The following OTOGL variants were observed in gnomAD, a reference collection of about 807,000 sequenced individuals.
OTOGL encodes otogelin-like protein.
In OTOGL, 285 loss-of-function variants were observed where a neutral mutation model predicts 318.5. The ratio of observed to expected loss-of-function variants is 0.89; its 90% CI spans 0.81 to 0.99. The LOEUF (loss-of-function observed/expected upper bound fraction) is 0.99. OTOGL is among the 50% of genes least tolerant of loss of function. OTOGL has a pLI of 0.00. For missense variants in OTOGL, 2,899 were observed against 2,845.6 expected (o/e 1.02, Z -0.43); for synonymous variants, 987 against 936.5 (o/e 1.05, Z -0.99).
chr12:80,373,246 A>G (rs1890988704), intron 57 of OTOGL, among the ~76,000 whole-genome samples: 2 of 152,120 alleles, frequency 1.3e-5, no homozygotes, highest in Admixed American at 6.5e-5. Flanking sequence ...ATCCTGGCCA[A>G]CATGGTGAAA....
At chr12:80,306,023 A>G (rs1384694469) in intron 29 of OTOGL, among the ~76,000 whole-genome samples, 21 of 152,292 alleles carry the variant, frequency 1.4e-4, no homozygotes, top group Middle Eastern at 3.4e-3. Flanking sequence ...CAAAATGCCA[A>G]TCAATGTATC....
At chr12:80,214,690 C>A (rs1390103839) in intron 4 of OTOGL, among the ~76,000 whole-genome samples, 1 of 152,056 alleles carries the variant, frequency 6.6e-6, no homozygotes, top group Non-Finnish European at 1.5e-5. Context: ...TGATGACATA[C>A]CAAGGACAGT....
At chr12:80,366,781 T>C in intron 53 of OTOGL, 144 bp downstream of exon 53, 1 of 265,764 alleles carries the variant, frequency 3.8e-6, no homozygotes, top group Non-Finnish European at 6.9e-6. Flanking sequence ...AATGTGTTAT[T>C]ATGTTTCAAT....
chr12:80,318,501 A>T (rs1340619836), intron 32 of OTOGL, 45 bp from the exon 33 acceptor site: 3 of 1,179,770 alleles, frequency 2.5e-6, no homozygotes, highest in Non-Finnish European at 3.2e-6. Context: ...TTGAAATTTT[A>T]AAAATCTATG....
Position 80,295,157 on chromosome 12 carries a change from CTTTTTTTTTTT to C in OTOGL, c.2929-1651_2929-1641del, listed in dbSNP as rs66786755. Among the ~76,000 whole-genome samples the C allele has an allele frequency of 3.9e-3, 381 of 98,936 alleles. 6 individuals are homozygous for C. The highest frequency in any genetic ancestry group is 0.017 in the African/African-American group (355 of 20,634). 64.9% of individuals were successfully genotyped at this position (98,936 alleles called of 152,430 possible). A position where few individuals can be genotyped will look rare whatever the true frequency, so the allele number is the denominator to read the frequency against. On this transcript the variant is annotated intron_variant, in intron 26 of 58. Coordinates refer to ENST00000547103, the MANE Select transcript of OTOGL (RefSeq NM_001378609.3). The stretch of plus-strand genomic sequence containing the variant: ...AAACACAAACTGTATGATTGCCGAA[CTTTTTTTTTTT>C]TTTTTTTTTTTTTTTTTTAAGACAG...
intron 8 of OTOGL, among the ~76,000 whole-genome samples, chr12:80,230,319 C>T (rs1171428133): frequency 1.3e-5 from 2 of 152,144 alleles, no homozygotes; most frequent in African/African-American, 4.8e-5. Flanking sequence ...AGCAGCTTCT[C>T]CCCTTGTCTG....
chr12:80,303,279 C>T (rs1036101129), intron 28 of OTOGL, among the ~76,000 whole-genome samples: 14 of 152,260 alleles, frequency 9.2e-5, no homozygotes, highest in South Asian at 4.1e-4. Context: ...CCTCAGCCTC[C>T]GGAGTAGCTG....
intron 1 of OTOGL, among the ~76,000 whole-genome samples, chr12:80,174,356 G>A (rs529651083): frequency 2.6e-5 from 4 of 152,202 alleles, no homozygotes; most frequent in South Asian, 4.2e-4. Flanking sequence ...TTTTTCTCTC[G>A]CCAGTCTCCC....
chr12:80,289,653 G>C (rs1884893406), intron 26 of OTOGL, among the ~76,000 whole-genome samples: 1 of 152,210 alleles, frequency 6.6e-6, no homozygotes, highest in Non-Finnish European at 1.5e-5. Flanking sequence ...GCTGTGATGT[G>C]TTCCGCCCAG....
In OTOGL at chr12:80,238,931, C is replaced by T. The variant is rs765437712; in HGVS notation, c.898C>T (p.Pro300Ser). ...AGATGACACCAAATGTGTACTCACA[C>T]CCTCAGATTTTCCAAATCCGTGCTC... ...TPDDTKCVLTPSDFPNPCSSG... is the reference protein window; with the variant it reads ...TPDDTKCVLTSSDFPNPCSSG... The change falls in exon 10 of 59, where the codon CCC (proline) becomes TCC (serine). Residue 300 changes from proline (P) to serine (S), a missense_variant. By Grantham distance (74) the Pro-to-Ser change is moderately conservative (BLOSUM62 -1). Coordinates refer to ENST00000547103, the MANE Select transcript of OTOGL (RefSeq NM_001378609.3). 5 of 1,596,476 alleles carry T rather than the reference C, an allele frequency of 3.1e-6. No individual in the cohort carries two copies. In the Middle Eastern group the frequency reaches 5.0e-4, roughly 158 times the overall value.
At chr12:80,173,192 GA>G (rs1874321188) in intron 1 of OTOGL, among the ~76,000 whole-genome samples, 1 of 151,504 alleles carries the variant, frequency 6.6e-6, no homozygotes, top group African/African-American at 2.4e-5. Flanking sequence ...TTTATAAAGG[GA>G]GAGCAAGTTT....
At chr12:80,134,864 G>T (rs1376231897) in intron 1 of OTOGL, among the ~76,000 whole-genome samples, 1 of 152,124 alleles carries the variant, frequency 6.6e-6, no homozygotes, top group Non-Finnish European at 1.5e-5. Context: ...CTGCATATCA[G>T]ATTTTTCTGG....
At chr12:80,312,257 C>T (rs1455260477) in intron 30 of OTOGL, among the ~76,000 whole-genome samples, 1 of 152,072 alleles carries the variant, frequency 6.6e-6, no homozygotes, top group Non-Finnish European at 1.5e-5. Flanking sequence ...CCAAACAAGA[C>T]AAAAACATTA....
At chr12:80,237,766 G>A (rs779666818) in intron 9 of OTOGL, among the ~76,000 whole-genome samples, 7 of 152,240 alleles carry the variant, frequency 4.6e-5, no homozygotes, top group Non-Finnish European at 1.0e-4. Context: ...TCATCTTCCC[G>A]GCGTTTGATA....
intron 35 of OTOGL, among the ~76,000 whole-genome samples, chr12:80,324,387 G>A (rs991085315): frequency 6.6e-6 from 1 of 152,112 alleles, no homozygotes; most frequent in African/African-American, 2.4e-5. Context: ...TGGTGTGTTC[G>A]AGGATCAGCA....
At chr12:80,226,388 A>AT (rs1262992911) in intron 7 of OTOGL, among the ~76,000 whole-genome samples, 1 of 151,702 alleles carries the variant, frequency 6.6e-6, no homozygotes, top group Non-Finnish European at 1.5e-5. Flanking sequence ...CAGTTATCCC[A>AT]TTTTTTCTTT....
chr12:80,131,863 T>C (rs1871260970), intron 1 of OTOGL: 1 of 152,234 alleles, frequency 6.6e-6, no homozygotes, highest in Non-Finnish European at 1.5e-5. Flanking sequence ...AAGATAAGTA[T>C]AGAGTGGGAA....
chr12:80,138,126 G>A (rs1316987747), intron 1 of OTOGL, among the ~76,000 whole-genome samples: 2 of 152,080 alleles, frequency 1.3e-5, no homozygotes, highest in Non-Finnish European at 2.9e-5. Context: ...TATACAGATG[G>A]GAAGTAGCTT....
rs528662794 is a variant in OTOGL, at chr12:80,236,552, A to G, written c.818-2299A>G. ...TTAGTCACATTAAAATTCGTGTGTA[A>G]GTATTGAAATAAGTGGGTTTCTAGA... On this transcript the variant is annotated intron_variant, in intron 9 of 58. Transcript: ENST00000547103. Among the ~76,000 whole-genome samples the G allele has an allele frequency of 3.3e-5, 5 of 152,286 alleles. No homozygotes were observed. In the East Asian group the frequency reaches 7.7e-4, roughly 24 times the overall value.
Sources: allele counts gnomAD v4.1 joint callset (sites outside exome capture counted in the v4.1 genomes callset), GRCh38; gene constraint gnomAD v4.1.1; transcripts MANE v1.5; gene names NCBI Gene and HGNC (gene_info 2026-07-23, HGNC 2026-07-21).